SLF2: variants seen among roughly 807,000 people sequenced by gnomAD.
SLF2 encodes the protein SMC5-SMC6 complex localization factor protein 2.
A neutral mutation model predicts 124.3 loss-of-function variants in SLF2; 68 were observed. The ratio of observed to expected loss-of-function variants is 0.55; its 90% CI spans 0.45 to 0.67. The LOEUF is 0.67. Ranked by LOEUF, SLF2 falls within the 30% of genes least tolerant of loss-of-function variation. SLF2 has a pLI of 0.00. For synonymous variants in SLF2, 480 were observed against 478.8 expected (o/e 1.00, Z -0.03); for missense variants, 1,246 against 1,373.7 (o/e 0.91, Z 1.47).
intron 4 of SLF2, among the ~76,000 whole-genome samples, chr10:100,918,688 C>T (rs1223568816): frequency 6.6e-6 from 1 of 151,676 alleles, no homozygotes; most frequent in African/African-American, 2.4e-5. Context: ...GTGGCATGAT[C>T]ACGACTCAAC....
chr10:100,914,437 A>G (rs892010898), intron 1 of SLF2, among the ~76,000 whole-genome samples: 1 of 152,142 alleles, frequency 6.6e-6, no homozygotes, highest in Non-Finnish European at 1.5e-5. Context: ...TTTACCCAAA[A>G]TCATTTTTTC....
rs1386932184 is a variant in SLF2, at chr10:100,964,495, A to G, written c.*2583A>G. ...GCACAAAATGCATTGATGTAGCCGT[A>G]AAGTAACAGCATTTGTACATTTTCT... On this transcript the variant is annotated 3_prime_UTR_variant, in exon 20 of 20. Coordinates refer to ENST00000238961, the MANE Select transcript of SLF2 (RefSeq NM_018121.4). The G allele has an allele frequency of 6.5e-6, 1 of 152,686 alleles. No individual in the cohort carries two copies. Among genetic ancestry groups the G allele is most frequent in the African/African-American group, 2.4e-5 (1 of 41,470 alleles). The allele number at this position is 152,686 out of a possible 1,614,324, so 9.5% of individuals were successfully genotyped here. A position where few individuals can be genotyped will look rare whatever the true frequency, so the allele number is the denominator to read the frequency against.
At position 100,930,024 on chromosome 10, in the gene SLF2, T is replaced by C. The variant is rs907804129; in HGVS notation, c.2333+27T>C. ...TAAGTAGAAAAATAGACATTTTACT[T>C]TTATATGTATAAAAAATTACTCTAA... On this transcript the variant is annotated intron_variant, in intron 8 of 19. Transcript: ENST00000238961. 4 of 1,402,362 alleles carry C rather than the reference T, an allele frequency of 2.9e-6. No homozygotes were observed. The African/African-American group carries it at 5.9e-5, about 21-fold the overall frequency. 86.9% of individuals were successfully genotyped at this position (1,402,362 alleles called of 1,614,324 possible).
chr10:100,942,878 C>G (rs1191229352), intron 11 of SLF2, among the ~76,000 whole-genome samples: 2 of 152,224 alleles, frequency 1.3e-5, no homozygotes, highest in African/African-American at 4.8e-5. Flanking sequence ...ATCCGCCTGC[C>G]TCAGCCTATC....
In SLF2 at chr10:100,928,399, T is replaced by G. The variant is rs574702047; in HGVS notation, c.2043-918T>G. 2.2e-4 allele frequency among the ~76,000 whole-genome samples: 33 copies of G among 152,312 alleles called. No individual in the cohort carries two copies. The East Asian group carries it at 6.4e-3, about 29-fold the overall frequency. On this transcript the variant is annotated intron_variant, in intron 6 of 19. Transcript: ENST00000238961. ...GAACTTGTCTGTATTTAAAATTCTTTAAATATTTCATGAATTCTTGTGATC... is the reference window on the plus strand; with the variant it reads ...GAACTTGTCTGTATTTAAAATTCTTGAAATATTTCATGAATTCTTGTGATC...
At chr10:100,934,494 A>G (rs1849806198) in intron 9 of SLF2, among the ~76,000 whole-genome samples, 1 of 152,222 alleles carries the variant, frequency 6.6e-6, no homozygotes, top group African/African-American at 2.4e-5. Context: ...CACAAACATC[A>G]TAGCAGAAGT....
In SLF2 at chr10:100,949,886, G is replaced by A. The variant is rs536625161; in HGVS notation, c.3121-190G>A. Among the ~76,000 whole-genome samples, 14 of 152,124 alleles carry A rather than the reference G, an allele frequency of 9.2e-5. No homozygotes were observed. In the East Asian group the frequency reaches 1.4e-3, roughly 15 times the overall value. On this transcript the variant is annotated intron_variant, in intron 15 of 19. Coordinates refer to ENST00000238961, the MANE Select transcript of SLF2 (RefSeq NM_018121.4). Reference sequence around the variant, plus strand: ...GTTGGGATTACAGGTGTGAGCCACCGTGCCCGACCACTTAAAATCCCTTTT... The same window carrying A: ...GTTGGGATTACAGGTGTGAGCCACCATGCCCGACCACTTAAAATCCCTTTT...
intron 4 of SLF2, among the ~76,000 whole-genome samples, chr10:100,922,219 A>C (rs1470303940): frequency 6.6e-6 from 1 of 152,182 alleles, no homozygotes; most frequent in African/African-American, 2.4e-5. Context: ...GTGGGACTAC[A>C]GGCACATGCC....
At position 100,954,833 on chromosome 10, in the gene SLF2, C is replaced by A. The variant is rs1850294455; in HGVS notation, c.3331-1618C>A. Among the ~76,000 whole-genome samples the A allele has an allele frequency of 2.6e-5, 4 of 151,924 alleles. No individual in the cohort carries two copies. In the South Asian group the frequency reaches 8.3e-4, roughly 32 times the overall value. ...GGCACGTACCTGTAGTCCCAGCTAC[C>A]CAGAAGACTGACTGAGATGTGAAGA... On this transcript the variant is annotated intron_variant, in intron 17 of 19. Transcript: ENST00000238961.
intron 14 of SLF2, 46 bp downstream of exon 14, chr10:100,947,182 C>T (rs1412539149): frequency 1.7e-6 from 2 of 1,144,506 alleles, no homozygotes; most frequent in South Asian, 1.6e-5. Context: ...TATAATTTTA[C>T]ATTAATGAAA....
At chr10:100,928,057 ACACACACACACG>A (rs1849650401) in intron 6 of SLF2, among the ~76,000 whole-genome samples, 1 of 69,200 alleles carries the variant, frequency 1.4e-5, no homozygotes, top group Non-Finnish European at 3.1e-5. Context: ...ACACACACAC[ACACACACACACG>A]AGAGAGAGAC....
At chr10:100,943,981 A>G (rs757857319) in intron 11 of SLF2, 45 bp from the exon 12 acceptor site, 1 of 1,273,534 alleles carries the variant, frequency 7.9e-7, no homozygotes, top group Non-Finnish European at 1.1e-6. Context: ...AGTGAGTTAT[A>G]TATTTTGTGC....
intron 4 of SLF2, 89 bp from the exon 5 acceptor site, chr10:100,923,886 C>T (rs1051925712): frequency 1.1e-5 from 12 of 1,054,276 alleles, no homozygotes; most frequent in Non-Finnish European, 1.3e-6. Flanking sequence ...GAATTTTAAA[C>T]CTTTCATTAG....
chr10:100,914,599 C>T (rs1452869704), intron 1 of SLF2, among the ~76,000 whole-genome samples: 2 of 152,174 alleles, frequency 1.3e-5, no homozygotes, highest in African/African-American at 2.4e-5. Context: ...CAATCAATAA[C>T]AAGATCAATA....
At position 100,945,467 on chromosome 10, in the gene SLF2, G is replaced by A. The variant is rs1348626201; in HGVS notation, c.2895G>A (p.Leu965=). 6.3e-7 allele frequency: 1 copy of A among 1,576,264 alleles called. No homozygotes were observed. Among genetic ancestry groups the A allele is most frequent in the South Asian group, 1.2e-5 (1 of 83,660 alleles). Residue 965 remains leucine, a synonymous_variant, in exon 13 of 20, where the codon CTG becomes CTA. Coordinates refer to ENST00000238961, the MANE Select transcript of SLF2 (RefSeq NM_018121.4). ...QIPLVDFQSL[L]INLMKNIRDW... ...CTTTAGTAGACTTTCAAAGCCTCCT[G>A]ATAAACCTGATGAAAAACATCAGAG...
At chr10:100,915,263 G>C (rs1564768223) in intron 1 of SLF2, among the ~76,000 whole-genome samples, 1 of 152,030 alleles carries the variant, frequency 6.6e-6, no homozygotes, top group Non-Finnish European at 1.5e-5. Flanking sequence ...ACTATCTTAA[G>C]GATTCTTTGA....
chr10:100,917,899 T>C (rs886199577), intron 3 of SLF2, among the ~76,000 whole-genome samples: 1 of 151,996 alleles, frequency 6.6e-6, no homozygotes, highest in African/African-American at 2.4e-5. Context: ...GAGCCACATA[T>C]CGAGACCTTG....
At chr10:100,915,251 T>G (rs1191118565) in intron 1 of SLF2, among the ~76,000 whole-genome samples, 1 of 152,262 alleles carries the variant, frequency 6.6e-6, no homozygotes, top group African/African-American at 2.4e-5. Flanking sequence ...GTTATTTTTG[T>G]AACTATCTTA....
intron 1 of SLF2, among the ~76,000 whole-genome samples, chr10:100,914,487 A>G (rs910868447): frequency 3.9e-5 from 6 of 152,194 alleles, no homozygotes; most frequent in African/African-American, 1.2e-4. Flanking sequence ...CTGAGGTCCA[A>G]TATTTTAGGG....
Sources: allele counts gnomAD v4.1 joint callset (sites outside exome capture counted in the v4.1 genomes callset), GRCh38; gene constraint gnomAD v4.1.1; transcripts MANE v1.5; gene names NCBI Gene and HGNC (gene_info 2026-07-23, HGNC 2026-07-21).